Variants in FGGY observed in about 807,000 individuals in gnomAD.
FGGY encodes FGGY carbohydrate kinase domain containing, also known as FGGY carbohydrate kinase domain-containing protein.
In FGGY, 72 loss-of-function variants were observed where a neutral mutation model predicts 71.3. The ratio of observed to expected loss-of-function variants is 1.01; its 90% CI spans 0.84 to 1.23. FGGY has a LOEUF of 1.23. Ranked by LOEUF, FGGY falls within the 50% of genes most tolerant of loss-of-function variation. FGGY has a pLI of 0.00. For synonymous variants in FGGY, 251 were observed against 250.3 expected (o/e 1.00, Z -0.02); for missense variants, 668 against 682.3 (o/e 0.98, Z 0.23).
At chr1:59,313,916 C>T (rs914951312) in intron 1 of FGGY, among the ~76,000 whole-genome samples, 5 of 151,958 alleles carry the variant, frequency 3.3e-5, no homozygotes, top group Non-Finnish European at 7.4e-5. Context: ...AGAACTTACT[C>T]ATGTAACCGA....
In FGGY at chr1:59,729,971, C is replaced by T. The variant is rs150305623; in HGVS notation, c.1513-27960C>T. 2.9e-3 allele frequency among the ~76,000 whole-genome samples: 446 copies of T among 152,244 alleles called. 16 individuals carry two copies. The highest frequency in any genetic ancestry group is 0.025 in the Admixed American group (384 of 15,288). On this transcript the variant is annotated intron_variant, in intron 14 of 15. Coordinates refer to ENST00000303721, the MANE Select transcript of FGGY (RefSeq NM_018291.5). ...TGTAAAAAATATTTTACAGTGTTTA[C>T]GCTTTCCCTCCCCCTGCCAGAGCCA...
intron 3 of FGGY, among the ~76,000 whole-genome samples, chr1:59,341,420 TATAA>T (rs2050663678): frequency 1.3e-5 from 2 of 152,210 alleles, no homozygotes; most frequent in Admixed American, 1.3e-4. Context: ...AAGTGATCAC[TATAA>T]ATAATCATAA....
chr1:59,757,709 C>A (rs183133398), intron 14 of FGGY, among the ~76,000 whole-genome samples: 1 of 152,108 alleles, frequency 6.6e-6, no homozygotes, highest in Non-Finnish European at 1.5e-5. Context: ...TTTATTAAGC[C>A]CAGGAGGTGT....
At chr1:59,589,539 A>G (rs1392669441) in intron 8 of FGGY, among the ~76,000 whole-genome samples, 1 of 152,248 alleles carries the variant, frequency 6.6e-6, no homozygotes, top group Non-Finnish European at 1.5e-5. Context: ...AGTTGGAAGT[A>G]AAGCTCTCCT....
chr1:59,701,835 G>A (rs2097712058), intron 14 of FGGY, among the ~76,000 whole-genome samples: 1 of 152,098 alleles, frequency 6.6e-6, no homozygotes, highest in South Asian at 2.1e-4. Flanking sequence ...ACTGTGTACT[G>A]GATGAAAATG....
At chr1:59,444,644 C>T (rs1347173682) in intron 5 of FGGY, among the ~76,000 whole-genome samples, 2 of 152,142 alleles carry the variant, frequency 1.3e-5, no homozygotes, top group Non-Finnish European at 2.9e-5. Flanking sequence ...ACCTGAGCAT[C>T]ACCTCCTGTC....
chr1:59,425,775 TTG>T (rs1408405208), intron 5 of FGGY, among the ~76,000 whole-genome samples: 1 of 152,226 alleles, frequency 6.6e-6, no homozygotes, highest in African/African-American at 2.4e-5. Flanking sequence ...CCTATGTTCT[TTG>T]AATTTACTGT....
intron 14 of FGGY, among the ~76,000 whole-genome samples, chr1:59,729,919 G>A (rs190874367): frequency 1.5e-4 from 23 of 152,118 alleles, no homozygotes; most frequent in African/African-American, 5.1e-4. Flanking sequence ...TCTTTATTAT[G>A]GAGAACTCTG....
chr1:59,446,352 A>C (rs1477095751), intron 5 of FGGY, among the ~76,000 whole-genome samples: 1 of 152,150 alleles, frequency 6.6e-6, no homozygotes, highest in African/African-American at 2.4e-5. Context: ...GCCACGTTTG[A>C]ATCATGTTAT....
intron 6 of FGGY, among the ~76,000 whole-genome samples, chr1:59,479,327 G>C (rs1050567402): frequency 6.6e-6 from 1 of 152,132 alleles, no homozygotes; most frequent in Admixed American, 6.5e-5. Flanking sequence ...GTTGGAAATA[G>C]GTAGAGTGTT....
chr1:59,527,830 T>A (rs2095033670), intron 7 of FGGY, among the ~76,000 whole-genome samples: 1 of 152,250 alleles, frequency 6.6e-6, no homozygotes, highest in African/African-American at 2.4e-5. Context: ...ATCGAATTCA[T>A]AATATAGATA....
chr1:59,572,585 A>G (rs1465557415), intron 8 of FGGY, among the ~76,000 whole-genome samples: 3 of 152,228 alleles, frequency 2.0e-5, no homozygotes, highest in African/African-American at 4.8e-5. Context: ...GTACTAGGAT[A>G]CTAGGAAACC....
intron 6 of FGGY, among the ~76,000 whole-genome samples, chr1:59,460,045 A>AGTG (rs2092044067): frequency 6.6e-6 from 1 of 152,162 alleles, no homozygotes; most frequent in Admixed American, 6.5e-5. Flanking sequence ...AATGAAGATA[A>AGTG]AGGGCAGGAG....
At chr1:59,366,841 G>C (rs2056676693) in intron 4 of FGGY, among the ~76,000 whole-genome samples, 1 of 152,076 alleles carries the variant, frequency 6.6e-6, no homozygotes. Flanking sequence ...TTGAATCAAG[G>C]GCAGAGGTTT....
chr1:59,553,381 C>G (rs888557155), intron 7 of FGGY, among the ~76,000 whole-genome samples: 1 of 152,196 alleles, frequency 6.6e-6, no homozygotes, highest in African/African-American at 2.4e-5. Flanking sequence ...CCTAAAGAGT[C>G]TTTCTAGCTT....
intron 11 of FGGY, among the ~76,000 whole-genome samples, chr1:59,646,516 A>T (rs1016817747): frequency 6.7e-6 from 1 of 149,756 alleles, no homozygotes; most frequent in African/African-American, 2.4e-5. Context: ...GTATATTTAT[A>T]TATAAATTTA....
intron 5 of FGGY, among the ~76,000 whole-genome samples, chr1:59,425,512 G>A (rs1400424511): frequency 6.6e-6 from 1 of 152,156 alleles, no homozygotes; most frequent in Non-Finnish European, 1.5e-5. Context: ...AGGGAAATGA[G>A]CTTTCCATTT....
chr1:59,356,106 G>A (rs1349954351), intron 4 of FGGY, among the ~76,000 whole-genome samples: 6 of 152,134 alleles, frequency 3.9e-5, no homozygotes, highest in African/African-American at 1.4e-4. Context: ...AGAAGGGGTC[G>A]GCATTCTTCA....
chr1:59,369,658 AC>A (rs910101990), intron 4 of FGGY, among the ~76,000 whole-genome samples: 1 of 151,722 alleles, frequency 6.6e-6, no homozygotes, highest in Non-Finnish European at 1.5e-5. Flanking sequence ...ACTGGGAGGC[AC>A]CCCCCAGTAG....
Sources: gnomAD v4.1 joint callset for allele counts (sites outside exome capture counted in the v4.1 genomes callset) on GRCh38, gnomAD v4.1.1 for gene constraint, MANE v1.5 for transcripts, NCBI Gene and HGNC (gene_info 2026-07-23, HGNC 2026-07-21) for gene names.